The following CACNA1E variants were observed in gnomAD, a reference collection of about 807,000 sequenced individuals.
CACNA1E encodes voltage-dependent R-type calcium channel subunit alpha-1E.
A neutral mutation model predicts 259.2 loss-of-function variants in CACNA1E; 40 were observed. The ratio of observed to expected loss-of-function variants is 0.15; its 90% CI spans 0.12 to 0.20. The LOEUF is 0.20. Among genes scored for constraint, CACNA1E ranks in the 10% least tolerant of loss-of-function variants. The probability of loss-of-function intolerance (pLI) is 1.00; values close to 1 mark genes in which losing one functional copy is unlikely to be tolerated. For missense variants in CACNA1E, 1,874 were observed against 3,040.1 expected (o/e 0.62, Z 9.02); for synonymous variants, 1,104 against 1,138.5 (o/e 0.97, Z 0.61).
At chr1:181,740,906 C>T (rs1377818520) in intron 25 of CACNA1E, among the ~76,000 whole-genome samples, 3 of 152,180 alleles carry the variant, frequency 2.0e-5, no homozygotes, top group African/African-American at 4.8e-5. Flanking sequence ...GGAAAGGCAG[C>T]TCTGGCTCCA....
At chr1:181,423,003 A>G (rs767555443) in intron 2 of CACNA1E, among the ~76,000 whole-genome samples, 2 of 152,250 alleles carry the variant, frequency 1.3e-5, no homozygotes, top group African/African-American at 4.8e-5. Flanking sequence ...TTCCACTACC[A>G]TAATAACCCT....
chr1:181,786,384 A>G (rs554513340), intron 43 of CACNA1E, among the ~76,000 whole-genome samples: 1 of 152,346 alleles, frequency 6.6e-6, no homozygotes, highest in East Asian at 1.9e-4. Context: ...AACTGAGGTT[A>G]ACTACGTTGC....
chr1:181,652,602 C>G (rs1033927313), intron 7 of CACNA1E, among the ~76,000 whole-genome samples: 10 of 152,132 alleles, frequency 6.6e-5, no homozygotes, highest in Admixed American at 4.6e-4. Flanking sequence ...TTCTTCGGAG[C>G]CCTAGAAAGG....
chr1:181,626,095 A>AAGT (rs1558199312), intron 6 of CACNA1E, among the ~76,000 whole-genome samples: 6 of 152,228 alleles, frequency 3.9e-5, no homozygotes, highest in African/African-American at 1.2e-4. Flanking sequence ...AACATGACTT[A>AAGT]TGGTACCCCA....
chr1:181,667,130 A>G (rs1411849653), intron 7 of CACNA1E, among the ~76,000 whole-genome samples: 1 of 152,182 alleles, frequency 6.6e-6, no homozygotes, highest in East Asian at 1.9e-4. Flanking sequence ...TTAGTTTTAA[A>G]TTTTAGATTG....
chr1:181,423,693 A>G (rs1353347075), intron 2 of CACNA1E, among the ~76,000 whole-genome samples: 2 of 114,092 alleles, frequency 1.8e-5, no homozygotes, highest in African/African-American at 4.1e-5. Flanking sequence ...GCCTTTTGAA[A>G]GGCGGCCAGC....
chr1:181,764,667 A>T (rs893056606), intron 34 of CACNA1E, among the ~76,000 whole-genome samples: 1 of 152,258 alleles, frequency 6.6e-6, no homozygotes, highest in African/African-American at 2.4e-5. Flanking sequence ...CCTCACTTCA[A>T]TGAAAACTAT....
rs146169881 is a variant in CACNA1E, at chr1:181,754,709, A to G, written c.3829-528A>G. On this transcript the variant is annotated intron_variant, in intron 27 of 47. Coordinates refer to ENST00000367573, the MANE Select transcript of CACNA1E (RefSeq NM_001205293.3). Reference sequence around the variant, plus strand: ...AAGTGCTGAATATAATCATAAATGTATGAACTTGCCTATGAAATATTAGTG... The same window carrying G: ...AAGTGCTGAATATAATCATAAATGTGTGAACTTGCCTATGAAATATTAGTG... Among the ~76,000 whole-genome samples, 11 of 152,350 alleles carry G rather than the reference A, an allele frequency of 7.2e-5. No homozygotes were observed. The East Asian group carries it at 1.9e-3, about 27-fold the overall frequency.
intron 45 of CACNA1E, 97 bp downstream of exon 45, chr1:181,793,890 G>A: frequency 1.6e-6 from 2 of 1,286,580 alleles, no homozygotes; most frequent in Non-Finnish European, 2.1e-6. Context: ...CCGTTGACTT[G>A]CCCGCACCCC....
At chr1:181,535,635 G>T (rs1488322568) in intron 3 of CACNA1E, among the ~76,000 whole-genome samples, 1 of 150,432 alleles carries the variant, frequency 6.6e-6, no homozygotes, top group African/African-American at 2.4e-5. Context: ...CCACTCGATT[G>T]TTGTCTTTTA....
At chr1:181,737,450 T>C (rs930420057) in intron 22 of CACNA1E, 75 bp from the exon 23 acceptor site, 82 of 1,547,384 alleles carry the variant, frequency 5.3e-5, no homozygotes, top group Non-Finnish European at 6.7e-5. Flanking sequence ...GGCCAATATG[T>C]GTATGTGGGA....
At chr1:181,405,367 C>T (rs1376177607) in intron 1 of CACNA1E, among the ~76,000 whole-genome samples, 5 of 152,238 alleles carry the variant, frequency 3.3e-5, no homozygotes. Flanking sequence ...TTTGGACAAA[C>T]ACCCTTCAGG....
intron 38 of CACNA1E, among the ~76,000 whole-genome samples, chr1:181,778,552 G>A (rs1329147120): frequency 6.6e-6 from 1 of 152,206 alleles, no homozygotes; most frequent in Admixed American, 6.5e-5. Context: ...ATACAGACCT[G>A]CAGATCCCTG....
At chr1:181,501,084 TTTC>T (rs1224385247) in intron 1 of CACNA1E, among the ~76,000 whole-genome samples, 1 of 152,232 alleles carries the variant, frequency 6.6e-6, no homozygotes, top group African/African-American at 2.4e-5. Context: ...GCTGTTTTGT[TTTC>T]TTCCAGAGGC....
chr1:181,471,932 T>A (rs1662535968), intron 2 of CACNA1E, among the ~76,000 whole-genome samples: 2 of 152,124 alleles, frequency 1.3e-5, no homozygotes, highest in African/African-American at 4.8e-5. Context: ...TATCACCACC[T>A]CATAAAGGTA....
At chr1:181,700,312 C>A (rs1453417602) in intron 7 of CACNA1E, among the ~76,000 whole-genome samples, 1 of 152,206 alleles carries the variant, frequency 6.6e-6, no homozygotes, top group Non-Finnish European at 1.5e-5. Context: ...ATTGAGCTAA[C>A]CTCAGTTGTT....
chr1:181,641,711 T>TG (rs1206156912), intron 6 of CACNA1E, among the ~76,000 whole-genome samples: 7 of 63,784 alleles, frequency 1.1e-4, no homozygotes, highest in African/African-American at 2.3e-4. Flanking sequence ...TTGTTTTTTT[T>TG]TTTTTTTTTT....
chr1:181,724,387 C>T, intron 16 of CACNA1E, 83 bp from the exon 17 acceptor site: 1 of 1,066,418 alleles, frequency 9.4e-7, no homozygotes, highest in Non-Finnish European at 1.4e-6. Context: ...ATGTCCCAGG[C>T]AGGAAAGATT....
chr1:181,417,049 G>A (rs647208), intron 2 of CACNA1E, among the ~76,000 whole-genome samples: 21,246 of 151,692 alleles, frequency 0.14, 3,620 homozygotes, highest in African/African-American at 0.41. Context: ...GGACATTGTC[G>A]TAACTGCATT....
Sources: allele counts gnomAD v4.1 joint callset (sites outside exome capture counted in the v4.1 genomes callset), GRCh38; gene constraint gnomAD v4.1.1; transcripts MANE v1.5; gene names NCBI Gene and HGNC (gene_info 2026-07-23, HGNC 2026-07-21).